DAB2IP: variants seen among roughly 807,000 people sequenced by gnomAD.
DAB2IP encodes disabled homolog 2-interacting protein.
A neutral mutation model predicts 107.2 loss-of-function variants in DAB2IP; 28 were observed. The ratio of observed to expected loss-of-function variants is 0.26; its 90% CI spans 0.19 to 0.36. The LOEUF is 0.36. Among genes scored for constraint, DAB2IP ranks in the 10% least tolerant of loss-of-function variants. The pLI is 1.00. For missense variants in DAB2IP, 1,400 were observed against 1,644.7 expected, an observed-to-expected ratio of 0.85 and a Z score of 2.57; for synonymous variants, 755 against 706.4, an observed-to-expected ratio of 1.07 and a Z score of -1.09.
intron 3 of DAB2IP, among the ~76,000 whole-genome samples, chr9:121,735,921 G>A (rs1212063014): frequency 1.3e-5 from 2 of 152,168 alleles, no homozygotes; most frequent in Admixed American, 6.5e-5. Flanking sequence ...GCTTCTGGGC[G>A]CAATCGGGAA....
rs1235338982 is a variant in DAB2IP at position 121,701,221 on chromosome 9, A to G, written c.362+1763A>G. On this transcript the variant is annotated intron_variant, in intron 3 of 15. Coordinates refer to ENST00000408936, the Ensembl canonical transcript of DAB2IP. This position sits in a 1 kb window ranked among gnomAD's most constrained non-coding sequence, Gnocchi z 4.7. ...GCTCTCCCGGGAGCAGGCGGCATGCATGTCATGTTTACCTCCTTACAGCGG... is the reference window on the plus strand; with the variant it reads ...GCTCTCCCGGGAGCAGGCGGCATGCGTGTCATGTTTACCTCCTTACAGCGG... Among the ~76,000 whole-genome samples the G allele has an allele frequency of 1.3e-5, 2 of 152,152 alleles. No homozygotes were observed. The highest frequency in any genetic ancestry group is 2.1e-4 in the South Asian group (1 of 4,834).
At chr9:121,757,329 A>G (rs1833569832) in intron 4 of DAB2IP, among the ~76,000 whole-genome samples, 163 bp downstream of exon 4, 2 of 151,694 alleles carry the variant, frequency 1.3e-5, no homozygotes, top group Admixed American at 1.3e-4. Context: ...CTCCTAAGAG[A>G]CCTGGTGGAG....
intron 2 of DAB2IP, among the ~76,000 whole-genome samples, chr9:121,693,286 C>T (rs1055952250): frequency 1.3e-5 from 2 of 152,154 alleles, no homozygotes; most frequent in African/African-American, 2.4e-5. Context: ...CTGACTCTCA[C>T]TCTGTGACTC....
At position 121,702,926 on chromosome 9, in the gene DAB2IP, A is replaced by G. The variant is rs900608141; in HGVS notation, c.362+3468A>G. 5.3e-5 allele frequency among the ~76,000 whole-genome samples: 8 copies of G among 152,070 alleles called. No individual in the cohort carries two copies. Among genetic ancestry groups the G allele is most frequent in the African/African-American group, 1.9e-4 (8 of 41,396 alleles). On this transcript the variant is annotated intron_variant, in intron 3 of 15. Transcript: ENST00000408936. This position sits in a 1 kb window ranked among gnomAD's most constrained non-coding sequence, Gnocchi z 4.5. ...ACAGTAGTTACTCTAAAGTGTCTGT[A>G]CCCCCATCAAGCTCTTCCCAGTCAT...
chr9:121,594,725 C>G (rs1308157622), intron 1 of DAB2IP, among the ~76,000 whole-genome samples: 2 of 152,150 alleles, frequency 1.3e-5, no homozygotes, highest in African/African-American at 4.8e-5. Context: ...GGTGGGGCTG[C>G]AAGGTTTGCG....
intron 13 of DAB2IP, among the ~76,000 whole-genome samples, chr9:121,774,826 A>G (rs1588009198): frequency 6.6e-6 from 1 of 152,120 alleles, no homozygotes; most frequent in East Asian, 1.9e-4. Flanking sequence ...ATGGGTCCCC[A>G]GGATGGCTGG....
intron 1 of DAB2IP, among the ~76,000 whole-genome samples, chr9:121,594,602 T>C (rs1364591402): frequency 1.3e-5 from 2 of 152,012 alleles, no homozygotes; most frequent in African/African-American, 4.8e-5. Flanking sequence ...GGTGGTGGGG[T>C]TGCTTTTTCC....
At position 121,776,329 on chromosome 9, in the gene DAB2IP, C is replaced by T. The variant is rs770531842; in HGVS notation, c.3252C>T (p.Gly1084=). ...AGTACCAGGCACGGCTGGAGGAGGGCGAGGAGCGGCTGCGGCGGCAGCAGG... is the reference window on the plus strand; with the variant it reads ...AGTACCAGGCACGGCTGGAGGAGGGTGAGGAGCGGCTGCGGCGGCAGCAGG... Residue 1084 remains glycine (G), a synonymous_variant, in exon 14 of 16, where the codon GGC becomes GGT. Coordinates refer to ENST00000408936, the Ensembl canonical transcript of DAB2IP. This position sits in a 1 kb window ranked among gnomAD's most constrained non-coding sequence, Gnocchi z 5.4. 4.4e-5 allele frequency: 69 copies of T among 1,559,624 alleles called. No homozygotes were observed. The highest frequency in any genetic ancestry group is 3.4e-4 in the Middle Eastern group (2 of 5,802).
chr9:121,741,851 AT>A (rs1832374527), intron 3 of DAB2IP, among the ~76,000 whole-genome samples: 1 of 150,696 alleles, frequency 6.6e-6, no homozygotes, highest in South Asian at 2.2e-4. Flanking sequence ...CGGCAATCCT[AT>A]GAGGTAAATA....
chr9:121,707,103 TC>T (rs1830094289), intron 3 of DAB2IP, among the ~76,000 whole-genome samples: 1 of 152,226 alleles, frequency 6.6e-6, no homozygotes, highest in Non-Finnish European at 1.5e-5. Flanking sequence ...CCTAGGGTTA[TC>T]CCCTTGTAGA....
At chr9:121,725,760 G>T (rs1212423300) in intron 3 of DAB2IP, among the ~76,000 whole-genome samples, 1 of 152,140 alleles carries the variant, frequency 6.6e-6, no homozygotes, top group Non-Finnish European at 1.5e-5. Context: ...AGGTAGTTGG[G>T]TATCACTGGG....
Position 121,769,055 on chromosome 9 carries a change from T to C in DAB2IP, c.1899+422T>C, listed in dbSNP as rs73536735. On this transcript the variant is annotated intron_variant, in intron 10 of 15. Coordinates refer to ENST00000408936, the Ensembl canonical transcript of DAB2IP. Reference sequence around the variant, plus strand: ...CTTGACCATCAGTTGACAAGGTTACTCCCTAGACACCTCTGACACTGCTGC... The same window carrying C: ...CTTGACCATCAGTTGACAAGGTTACCCCCTAGACACCTCTGACACTGCTGC... Among the ~76,000 whole-genome samples the C allele has an allele frequency of 3.2e-3, 493 of 152,270 alleles. 4 individuals are homozygous for C. The highest frequency in any genetic ancestry group is 0.011 in the African/African-American group (469 of 41,552).
chr9:121,644,785 G>A (rs371941328), intron 1 of DAB2IP, among the ~76,000 whole-genome samples: 1 of 152,202 alleles, frequency 6.6e-6, no homozygotes, highest in East Asian at 1.9e-4. Context: ...GGCACAGAGA[G>A]GTGAGGCAGT....
At chr9:121,646,413 C>A (rs1320579267) in intron 1 of DAB2IP, among the ~76,000 whole-genome samples, 3 of 152,252 alleles carry the variant, frequency 2.0e-5, no homozygotes, top group East Asian at 3.9e-4. Flanking sequence ...ACAGTGGATG[C>A]AGGAAGTCGT....
At chr9:121,734,383 CAAAAA>C (rs552116079) in intron 3 of DAB2IP, among the ~76,000 whole-genome samples, 1 of 56,908 alleles carries the variant, frequency 1.8e-5, no homozygotes, top group African/African-American at 7.4e-5. Flanking sequence ...GACTCCGTCT[CAAAAA>C]AAAAAAAAAA....
chr9:121,724,035 G>A (rs1268572227), intron 3 of DAB2IP, among the ~76,000 whole-genome samples: 1 of 152,142 alleles, frequency 6.6e-6, no homozygotes, highest in African/African-American at 2.4e-5. Flanking sequence ...ATGGTAACGA[G>A]GATAGTGACA....
At chr9:121,688,255 A>G (rs921521379) in intron 2 of DAB2IP, among the ~76,000 whole-genome samples, 1 of 152,236 alleles carries the variant, frequency 6.6e-6, no homozygotes, top group Non-Finnish European at 1.5e-5. Context: ...CTGAGTTGTC[A>G]AGCGGCAATT....
In DAB2IP at chr9:121,776,333, G is replaced by A; in HGVS notation, c.3256G>A (p.Glu1086Lys). Residue 1086 changes from glutamate to lysine, a missense_variant, in exon 14 of 16, where the codon GAG (glutamate) becomes AAG (lysine). By Grantham distance (56) the Glu-to-Lys change is moderately conservative. This residue lies in a region of DAB2IP where 600 missense variants were observed against 659.1 expected (regional missense o/e 0.91). Transcript: ENST00000408936. The surrounding 1 kb of genome is among the most constrained non-coding windows in gnomAD (Gnocchi z 5.4). ...CCAGGCACGGCTGGAGGAGGGCGAG[G>A]AGCGGCTGCGGCGGCAGCAGGAGGA... 6.4e-7 allele frequency: 1 copy of A among 1,557,966 alleles called. No homozygotes were observed. Among genetic ancestry groups the A allele is most frequent in the Non-Finnish European group, 8.7e-7 (1 of 1,150,792 alleles).
intron 1 of DAB2IP, among the ~76,000 whole-genome samples, chr9:121,617,992 C>T (rs1831338200): frequency 6.6e-6 from 1 of 152,182 alleles, no homozygotes; most frequent in Admixed American, 6.5e-5. Flanking sequence ...AGGACAGGGA[C>T]CTTTTGTCAC....
Sources: gnomAD v4.1 joint callset for allele counts (sites outside exome capture counted in the v4.1 genomes callset) on GRCh38, gnomAD v4.1.1 for gene constraint, gnomAD v4.1.1 regional missense constraint, Gnocchi (gnomAD v3.1) non-coding constraint, MANE v1.5 for transcripts, NCBI Gene and HGNC (gene_info 2026-07-23, HGNC 2026-07-21) for gene names.